Variants in CDHR1 observed in about 807,000 individuals in gnomAD.
CDHR1 encodes cadherin related family member 1.
A neutral mutation model predicts 72.1 loss-of-function variants in CDHR1; 61 were observed. That is an observed-to-expected ratio of 0.85 (90% CI 0.69 to 1.05). The LOEUF is 1.05. CDHR1 is among the 50% of genes least tolerant of loss of function. CDHR1 has a pLI of 0.00. For synonymous variants in CDHR1, 470 were observed against 448.1 expected, an observed-to-expected ratio of 1.05 and a Z score of -0.62; for missense variants, 1,186 against 1,115.7, an observed-to-expected ratio of 1.06 and a Z score of -0.90.
intron 7 of CDHR1, among the ~76,000 whole-genome samples, chr10:84,202,631 A>T (rs1842148165): frequency 6.6e-6 from 1 of 152,148 alleles, no homozygotes; most frequent in Non-Finnish European, 1.5e-5. Flanking sequence ...TGGGTCCCTG[A>T]CACTCAGCAC....
rs773809269 is a variant in CDHR1, at chr10:84,205,962, C to A, written c.963+35C>A. The A allele has an allele frequency of 9.8e-6, 15 of 1,527,040 alleles. No homozygotes were observed. In the East Asian group the frequency reaches 2.2e-4, roughly 23 times the overall value. 94.6% of individuals were successfully genotyped at this position (1,527,040 alleles called of 1,614,324 possible). A position where few individuals can be genotyped will look rare whatever the true frequency, so the allele number is the denominator to read the frequency against. Reference sequence around the variant, plus strand: ...CTCTAGCTTTGTCTTCCCTGCCCACCTTTGGCCCTGGAAGTCTATAAAGGT... The same window carrying A: ...CTCTAGCTTTGTCTTCCCTGCCCACATTTGGCCCTGGAAGTCTATAAAGGT... On this transcript the variant is annotated intron_variant, in intron 10 of 16. Coordinates refer to ENST00000623527, the MANE Select transcript of CDHR1 (RefSeq NM_033100.4).
Position 84,215,998 on chromosome 10 carries a change from T to A in CDHR1, c.*1377T>A. On this transcript the variant is annotated 3_prime_UTR_variant, in exon 17 of 17. Transcript: ENST00000623527. Reference sequence around the variant, plus strand: ...CCACACAGCAGGTTGGTAGCAAAGATCTTGTCTAGCCAGGGCAGCCCTTAT... The same window carrying A: ...CCACACAGCAGGTTGGTAGCAAAGAACTTGTCTAGCCAGGGCAGCCCTTAT... 2 of 984,214 alleles carry A rather than the reference T, an allele frequency of 2.0e-6. No homozygotes were observed. The highest frequency in any genetic ancestry group is 2.4e-6 in the Non-Finnish European group (2 of 829,938). The allele number at this position is 984,214 out of a possible 1,614,324, so 61.0% of individuals were successfully genotyped here.
At chr10:84,198,940 A>T in intron 4 of CDHR1, 92 bp from the exon 5 acceptor site, 1 of 906,702 alleles carries the variant, frequency 1.1e-6, no homozygotes, top group Non-Finnish European at 1.8e-6. Flanking sequence ...GGATGGGCAG[A>T]GACGTGTACA....
chr10:84,201,883 A>G lies in CDHR1; in HGVS notation c.602A>G (p.Glu201Gly). The G allele has an allele frequency of 6.2e-7, 1 of 1,608,248 alleles. No individual in the cohort carries two copies. The highest frequency in any genetic ancestry group is 8.5e-7 in the Non-Finnish European group (1 of 1,179,974). ...CAGGCTGGGGCCACTCTGGACTACG[A>G]GAGGTCCCGGACCCACTACATCACC... ...RLQAGATLDYERSRTHYITVV... is the reference protein window; with the variant it reads ...RLQAGATLDYGRSRTHYITVV... The change falls in exon 7 of 17, where the codon GAG becomes GGG. Residue 201 changes from glutamate to glycine, a missense_variant. Glu to Gly is a moderately conservative substitution (Grantham distance 98, BLOSUM62 -2). Transcript: ENST00000623527.
chr10:84,214,669 AC>A lies in CDHR1; in HGVS notation c.*51del, dbSNP rs756560195. ...CTTTCCTCCGCCCCTGACCCCCACC[AC>A]CCTGCTGCTCGGACTATGCTCCCCT... On this transcript the variant is annotated 3_prime_UTR_variant, in exon 17 of 17. Coordinates refer to ENST00000623527, the MANE Select transcript of CDHR1 (RefSeq NM_033100.4). 6.3e-7 allele frequency: 1 copy of A among 1,580,018 alleles called. No individual in the cohort carries two copies. Among genetic ancestry groups the A allele is most frequent in the Admixed American group, 1.7e-5 (1 of 58,918 alleles).
At chr10:84,194,924 C>G in intron 1 of CDHR1, 109 bp downstream of exon 1, 1 of 1,074,292 alleles carries the variant, frequency 9.3e-7, no homozygotes, top group Non-Finnish European at 1.4e-6. Flanking sequence ...CAGAGTGGGA[C>G]TCGGGCTGGT....
At position 84,214,299 on chromosome 10, in the gene CDHR1, T is replaced by C. The variant is rs755548090; in HGVS notation, c.2258T>C (p.Ile753Thr). ...AGCCCTGCGCCCCGCACCATCCGCA[T>C]TGAGTGGCTCAAGTCCAAGAGCACC... ...RPSPAPRTIR[I>T]EWLKSKSTKA... The change falls in exon 17 of 17, where the codon ATT (isoleucine) becomes ACT (threonine). Residue 753 changes from isoleucine (I) to threonine (T), a missense_variant. Coordinates refer to ENST00000623527, the MANE Select transcript of CDHR1 (RefSeq NM_033100.4). 5.6e-6 allele frequency: 9 copies of C among 1,613,934 alleles called. No individual in the cohort carries two copies. The highest frequency in any genetic ancestry group is 4.0e-5 in the African/African-American group (3 of 74,924).
chr10:84,195,844 C>G (rs1404832484), intron 2 of CDHR1, among the ~76,000 whole-genome samples: 2 of 152,220 alleles, frequency 1.3e-5, no homozygotes, highest in East Asian at 3.8e-4. Context: ...TACAGCTGCC[C>G]CTTATGGCTG....
chr10:84,217,493 G>C lies in CDHR1; in HGVS notation c.*2872G>C. 3.1e-6 allele frequency: 3 copies of C among 978,998 alleles called. No individual in the cohort carries two copies. Among genetic ancestry groups the C allele is most frequent in the Non-Finnish European group, 3.6e-6 (3 of 824,142 alleles). 60.6% of individuals were successfully genotyped at this position (978,998 alleles called of 1,614,324 possible). A position where few individuals can be genotyped will look rare whatever the true frequency, so the allele number is the denominator to read the frequency against. On this transcript the variant is annotated 3_prime_UTR_variant, in exon 17 of 17. Coordinates refer to ENST00000623527, the MANE Select transcript of CDHR1 (RefSeq NM_033100.4). ...GGTTCTGCCATTAATTGTGACTTTG[G>C]GCAAGAGGTCAAGTCTCTCTGGGCC...
At position 84,211,699 on chromosome 10, in the gene CDHR1, G is replaced by A; in HGVS notation, c.1537G>A (p.Gly513Arg). Residue 513 changes from glycine to arginine, a missense_variant, in exon 14 of 17, where the codon GGG becomes AGG. Coordinates refer to ENST00000623527, the MANE Select transcript of CDHR1 (RefSeq NM_033100.4). Reference protein sequence around the residue: ...PWGEVKYSTYGTGADLFLIHP... With the variant: ...PWGEVKYSTYRTGADLFLIHP... ...GGGCGAAGTGAAATATTCCACCTAT[G>A]GGACTGGGGCAGACCTGTAAGTAGA... 6 of 1,614,096 alleles carry A rather than the reference G, an allele frequency of 3.7e-6. No homozygotes were observed. The highest frequency in any genetic ancestry group is 5.1e-6 in the Non-Finnish European group (6 of 1,179,928).
chr10:84,202,506 A>G (rs1180136416), intron 7 of CDHR1, among the ~76,000 whole-genome samples: 10 of 152,050 alleles, frequency 6.6e-5, no homozygotes, highest in Non-Finnish European at 1.3e-4. Flanking sequence ...AGGCCATCCC[A>G]CTGCAGCCTG....
intron 12 of CDHR1, 114 bp downstream of exon 12, chr10:84,208,995 C>A: frequency 8.7e-7 from 1 of 1,145,976 alleles, no homozygotes. Flanking sequence ...CCTGGCCCTA[C>A]TCTTTTCTTC....
intron 12 of CDHR1, among the ~76,000 whole-genome samples, chr10:84,210,128 G>A (rs1466677038): frequency 2.0e-5 from 3 of 152,230 alleles, no homozygotes; most frequent in African/African-American, 7.2e-5. Context: ...GCTGAGATGG[G>A]AGGATGGCTT....
At chr10:84,218,951 C>T, downstream of CDHR1, 1 of 554,868 alleles carries the variant, frequency 1.8e-6, no homozygotes, top group Admixed American at 3.7e-5. Flanking sequence ...AGGTATTGTT[C>T]TGAGAACTTT....
At chr10:84,202,624 G>A (rs1174261392) in intron 7 of CDHR1, among the ~76,000 whole-genome samples, 4 of 152,176 alleles carry the variant, frequency 2.6e-5, no homozygotes, top group African/African-American at 9.7e-5. Flanking sequence ...GCTGTTGTGG[G>A]TCCCTGACAC....
chr10:84,214,289 A>C lies in CDHR1; in HGVS notation c.2248A>C (p.Thr750Pro), dbSNP rs1589309502. ...CAAGCGGCCCAGCCCTGCGCCCCGC[A>C]CCATCCGCATTGAGTGGCTCAAGTC... ...LRKRPSPAPR[T>P]IRIEWLKSKS... The change falls in exon 17 of 17, where the codon ACC (threonine) becomes CCC (proline). Residue 750 changes from threonine to proline, a missense_variant. Thr to Pro is a conservative substitution (Grantham distance 38). Transcript: ENST00000623527. The C allele has an allele frequency of 6.2e-7, 1 of 1,613,868 alleles. No homozygotes were observed.
intron 4 of CDHR1, 139 bp downstream of exon 4, chr10:84,197,975 A>G: frequency 1.3e-6 from 1 of 793,000 alleles, no homozygotes; most frequent in Non-Finnish European, 2.2e-6. Flanking sequence ...ACCTGCCCAA[A>G]GTGCCCACAG....
At position 84,208,176 on chromosome 10, in the gene CDHR1, G is replaced by T; in HGVS notation, c.966G>T (p.Val322=). 1 of 1,614,018 alleles carries T rather than the reference G, an allele frequency of 6.2e-7. No individual in the cohort carries two copies. Among genetic ancestry groups the T allele is most frequent in the South Asian group, 1.1e-5 (1 of 91,048 alleles). Residue 322 remains valine, a splice_region_variant and synonymous_variant, in exon 11 of 17, where the codon GTG becomes GTT. Transcript: ENST00000623527. ...ATAGCCACTTGTCCCCATCCCAGGT[G>T]ACTGAAATGAGCCCTGCGGGGAGCC... ...QREVYELHVQ[V]TEMSPAGSPA...
chr10:84,216,287 G>C lies in CDHR1; in HGVS notation c.*1666G>C. The C allele has an allele frequency of 2.1e-5, 21 of 985,522 alleles. No individual in the cohort carries two copies. Among genetic ancestry groups the C allele is most frequent in the Non-Finnish European group, 2.5e-5 (21 of 829,976 alleles). 61.0% of individuals were successfully genotyped at this position (985,522 alleles called of 1,614,324 possible). ...GTGTTTGGAGGTGTTACTGAGATGTGCCAGTGTGCAGAATCCTTGCTGGGG... is the reference window on the plus strand; with the variant it reads ...GTGTTTGGAGGTGTTACTGAGATGTCCCAGTGTGCAGAATCCTTGCTGGGG... On this transcript the variant is annotated 3_prime_UTR_variant, in exon 17 of 17. Coordinates refer to ENST00000623527, the MANE Select transcript of CDHR1 (RefSeq NM_033100.4).
Sources: allele counts gnomAD v4.1 joint callset (sites outside exome capture counted in the v4.1 genomes callset), GRCh38; gene constraint gnomAD v4.1.1; transcripts MANE v1.5; gene names NCBI Gene and HGNC (gene_info 2026-07-23, HGNC 2026-07-21).